Variants in DAB1 observed in about 807,000 individuals in gnomAD.
DAB1 encodes the protein DAB adaptor protein 1, also known as disabled homolog 1.
In DAB1, 15 loss-of-function variants were observed where a neutral mutation model predicts 64.6. That is an observed-to-expected ratio of 0.23 (90% CI 0.16 to 0.36). DAB1 has a LOEUF of 0.36. Ranked by LOEUF, DAB1 falls within the 10% of genes least tolerant of loss-of-function variation. The probability of loss-of-function intolerance (pLI) is 1.00; values close to 1 mark genes in which losing one functional copy is unlikely to be tolerated. For synonymous variants in DAB1, 235 were observed against 251.9 expected (o/e 0.93, Z 0.64); for missense variants, 596 against 706.7 (o/e 0.84, Z 1.78).
At chr1:58,372,687 C>T (rs191909239) in intron 3 of DAB1, among the ~76,000 whole-genome samples, 1 of 152,166 alleles carries the variant, frequency 6.6e-6, no homozygotes, top group Admixed American at 6.5e-5. Context: ...GAGGGAGGAA[C>T]CTGGTGTGGG....
chr1:57,010,650 G>T, intron 14 of DAB1, 30 bp downstream of exon 14: 1 of 1,261,364 alleles, frequency 7.9e-7, no homozygotes, highest in Non-Finnish European at 1.1e-6. Context: ...TAGCTTAAGG[G>T]TAAAGGAGAT....
chr1:58,184,069 T>C (rs942228616), intron 4 of DAB1, among the ~76,000 whole-genome samples: 5 of 152,080 alleles, frequency 3.3e-5, no homozygotes, highest in African/African-American at 1.2e-4. Flanking sequence ...CCAGCCATTA[T>C]AGAAGAACCC....
chr1:57,668,289 A>G (rs986794227), intron 6 of DAB1, among the ~76,000 whole-genome samples: 8 of 152,094 alleles, frequency 5.3e-5, no homozygotes, highest in Admixed American at 4.6e-4. Context: ...GGCTTGCATT[A>G]TACTTCTATT....
At chr1:57,410,051 G>A (rs913851650) in intron 1 of DAB1, among the ~76,000 whole-genome samples, 2 of 151,990 alleles carry the variant, frequency 1.3e-5, no homozygotes, top group Admixed American at 1.3e-4. Context: ...TGTTGATTTC[G>A]TGCAATTCCT....
chr1:57,260,478 A>G (rs570821008), intron 2 of DAB1, among the ~76,000 whole-genome samples: 1 of 152,342 alleles, frequency 6.6e-6, no homozygotes, highest in South Asian at 2.1e-4. Flanking sequence ...CACATCCAGC[A>G]GTGAAACATA....
chr1:57,678,960 A>T (rs1249509279), intron 6 of DAB1, among the ~76,000 whole-genome samples: 1 of 150,850 alleles, frequency 6.6e-6, no homozygotes, highest in South Asian at 2.1e-4. Flanking sequence ...TTTCGTAGAG[A>T]TGGGGTTTCA....
intron 5 of DAB1, among the ~76,000 whole-genome samples, chr1:58,058,989 C>G (rs1159267419): frequency 6.6e-6 from 1 of 152,186 alleles, no homozygotes; most frequent in Admixed American, 6.5e-5. Flanking sequence ...TGCTCTACCT[C>G]AGTTCCTTTA....
In DAB1 at chr1:57,703,262, C is replaced by T. The variant is rs150608909; in HGVS notation, n.552-53597G>A. ...CAGAGTAAACAGACAACCTACAAAA[C>T]GGGAGAAAATTTTTGCAAACTATGC... On this transcript the variant is annotated intron_variant and non_coding_transcript_variant, in intron 6 of 20. Coordinates refer to the DAB1 transcript ENST00000485760. 2.8e-3 allele frequency among the ~76,000 whole-genome samples: 418 copies of T among 151,930 alleles called. 2 individuals are homozygous for T. The highest frequency in any genetic ancestry group is 9.4e-3 in the African/African-American group (388 of 41,454).
At chr1:57,415,280 C>CACACACAT (rs1369470024) in intron 1 of DAB1, among the ~76,000 whole-genome samples, 3,918 of 145,250 alleles carry the variant, frequency 0.027, 78 homozygotes, top group African/African-American at 0.057. Context: ...CACACACACA[C>CACACACAT]ATATATGCAC....
chr1:57,218,958 G>A (rs1404908826), intron 2 of DAB1, among the ~76,000 whole-genome samples: 1 of 152,126 alleles, frequency 6.6e-6, no homozygotes, highest in Admixed American at 6.5e-5. Context: ...ACAGGGGGAA[G>A]ATAAAGCTTT....
chr1:57,875,976 C>G (rs147963251), intron 1 of DAB1, among the ~76,000 whole-genome samples: 166 of 152,300 alleles, frequency 1.1e-3, no homozygotes, highest in Non-Finnish European at 1.8e-3. Context: ...ACTGCTAAGT[C>G]CAGCTCTCAT....
chr1:57,654,898 A>G (rs1450123593), intron 6 of DAB1, among the ~76,000 whole-genome samples: 1 of 152,202 alleles, frequency 6.6e-6, no homozygotes, highest in Non-Finnish European at 1.5e-5. Context: ...ATTACTTCTA[A>G]TATTTTTAAA....
rs1382047402 is a variant in DAB1, at chr1:57,056,329, TC to T, written c.723+6554del. Among the ~76,000 whole-genome samples the T allele has an allele frequency of 8.7e-3, 1,145 of 131,824 alleles. 18 individuals carry two copies. The highest frequency in any genetic ancestry group is 0.033 in the African/African-American group (1,090 of 33,490). The allele number at this position is 131,824 out of a possible 152,430, so 86.5% of individuals were successfully genotyped here. ...CAGTGGGTAACATAGCAAGTCCTCA[TC>T]TTTAAAAAAAAAAAAAAAAAAAAAA... On this transcript the variant is annotated intron_variant, in intron 9 of 14. Coordinates refer to ENST00000371236, the MANE Select transcript of DAB1 (RefSeq NM_001365792.1).
chr1:57,653,949 A>T (rs1394115735), intron 6 of DAB1, among the ~76,000 whole-genome samples: 1 of 152,150 alleles, frequency 6.6e-6, no homozygotes, highest in East Asian at 1.9e-4. Context: ...CAGCATTTAT[A>T]CCAATCTGGC....
intron 6 of DAB1, among the ~76,000 whole-genome samples, chr1:57,767,432 A>G (rs1245673585): frequency 6.6e-6 from 1 of 152,198 alleles, no homozygotes; most frequent in Non-Finnish European, 1.5e-5. Context: ...AATGTCTTCT[A>G]GTCAATAAGG....
At chr1:57,982,571 T>C (rs1646092979) in intron 5 of DAB1, among the ~76,000 whole-genome samples, 1 of 152,112 alleles carries the variant, frequency 6.6e-6, no homozygotes, top group Non-Finnish European at 1.5e-5. Context: ...CAACAAGCAG[T>C]GGTTAGTGTC....
intron 1 of DAB1, among the ~76,000 whole-genome samples, chr1:58,535,604 A>G (rs1404332440): frequency 6.6e-6 from 1 of 151,914 alleles, no homozygotes; most frequent in East Asian, 1.9e-4. Flanking sequence ...TCAAAAAAAA[A>G]AAAAAAAAAA....
At chr1:57,482,930 A>G (rs1261762207) in intron 7 of DAB1, among the ~76,000 whole-genome samples, 1 of 152,224 alleles carries the variant, frequency 6.6e-6, no homozygotes, top group African/African-American at 2.4e-5. Flanking sequence ...AGCCTACCAT[A>G]CTTGTGTAAG....
At chr1:58,073,901 A>T (rs1649431093) in intron 5 of DAB1, among the ~76,000 whole-genome samples, 1 of 152,170 alleles carries the variant, frequency 6.6e-6, no homozygotes, top group Non-Finnish European at 1.5e-5. Flanking sequence ...AGGGAAGCAG[A>T]AGGCCCGGAA....
Sources: allele counts gnomAD v4.1 joint callset (sites outside exome capture counted in the v4.1 genomes callset), GRCh38; gene constraint gnomAD v4.1.1; transcripts MANE v1.5; gene names NCBI Gene and HGNC (gene_info 2026-07-23, HGNC 2026-07-21).